The following LRP2 variants were observed in gnomAD, a reference collection of about 807,000 sequenced individuals.
LRP2 encodes low-density lipoprotein receptor-related protein 2.
Under a neutral mutation model 531.0 loss-of-function variants are expected in LRP2, and 172 were observed. The ratio of observed to expected loss-of-function variants is 0.32; its 90% CI spans 0.29 to 0.37. The LOEUF is 0.37. LRP2 is among the 10% of genes least tolerant of loss of function. LRP2 has a pLI of 1.00. For missense variants in LRP2, 5,167 were observed against 5,868.3 expected (o/e 0.88, Z 3.90); for synonymous variants, 1,992 against 2,027.6 (o/e 0.98, Z 0.47).
At chr2:169,276,429 AT>A (rs1300437454) in intron 13 of LRP2, among the ~76,000 whole-genome samples, 5 of 152,176 alleles carry the variant, frequency 3.3e-5, no homozygotes, top group African/African-American at 1.2e-4. Flanking sequence ...ATATAATATA[AT>A]GCTAAAACAT....
At chr2:169,167,746 A>T (rs1396705121) in intron 61 of LRP2, among the ~76,000 whole-genome samples, 2 of 151,996 alleles carry the variant, frequency 1.3e-5, no homozygotes, top group Non-Finnish European at 2.9e-5. Flanking sequence ...ATTACCCTAG[A>T]GTTCCTCCAA....
chr2:169,185,606 T>C lies in LRP2; in HGVS notation c.9742A>G (p.Arg3248Gly). The C allele has an allele frequency of 6.2e-7, 1 of 1,614,162 alleles. No individual in the cohort carries two copies. ...EKRLYWIDTQ[R>G]QVIERMFLNK... ...AGAAACATTCTCTCAATGACTTGCCTCTGTGTATCAATCCAATACAATCTC... is the reference window on the plus strand; with the variant it reads ...AGAAACATTCTCTCAATGACTTGCCCCTGTGTATCAATCCAATACAATCTC... Residue 3248 changes from arginine (R) to glycine (G), a missense_variant, in exon 50 of 79, where the codon AGG becomes GGG. Physicochemically the swap from Arg to Gly is moderately radical, Grantham distance 125 (BLOSUM62 -2). Coordinates refer to ENST00000649046, the MANE Select transcript of LRP2 (RefSeq NM_004525.3).
At chr2:169,211,819 A>G in intron 37 of LRP2, 149 bp downstream of exon 37, 2 of 1,113,424 alleles carry the variant, frequency 1.8e-6, no homozygotes, top group Non-Finnish European at 2.6e-6. Context: ...AAGTTTGAAA[A>G]ACACTTTAGG....
chr2:169,162,384 TG>T, intron 63 of LRP2, 87 bp downstream of exon 63: 1 of 1,452,366 alleles, frequency 6.9e-7, no homozygotes, highest in Non-Finnish European at 9.6e-7. Context: ...GGAGAAAATG[TG>T]GTCAGTGTCT....
At chr2:169,336,589 T>C (rs773374616) in intron 1 of LRP2, among the ~76,000 whole-genome samples, 1 of 151,436 alleles carries the variant, frequency 6.6e-6, no homozygotes, top group Non-Finnish European at 1.5e-5. Context: ...AAATACCCCA[T>C]TGCCATGACC....
At chr2:169,356,600 G>A (rs576970576) in intron 1 of LRP2, among the ~76,000 whole-genome samples, 19 of 152,320 alleles carry the variant, frequency 1.2e-4, no homozygotes, top group African/African-American at 4.6e-4. Context: ...AATGGCAGAG[G>A]TAGGAATCAA....
intron 76 of LRP2, among the ~76,000 whole-genome samples, chr2:169,135,725 G>C (rs1685478203): frequency 6.6e-6 from 1 of 151,934 alleles, no homozygotes; most frequent in South Asian, 2.1e-4. Context: ...ACAGGGTACA[G>C]CCATTTAAGC....
At chr2:169,287,737 T>C (rs1322190045) in intron 9 of LRP2, among the ~76,000 whole-genome samples, 1 of 151,504 alleles carries the variant, frequency 6.6e-6, no homozygotes, top group Non-Finnish European at 1.5e-5. Context: ...AGTATAATTA[T>C]GTTGGAAGCA....
At chr2:169,163,944 C>G (rs888655156) in intron 62 of LRP2, among the ~76,000 whole-genome samples, 1 of 152,164 alleles carries the variant, frequency 6.6e-6, no homozygotes, top group Non-Finnish European at 1.5e-5. Context: ...CAATAAATAC[C>G]CTCCACTCCC....
chr2:169,207,638 T>C (rs1318397033), intron 38 of LRP2, among the ~76,000 whole-genome samples: 1 of 152,162 alleles, frequency 6.6e-6, no homozygotes. Context: ...TCCATCCCAA[T>C]GTGATAAAAG....
chr2:169,348,768 C>G (rs1685763216), intron 1 of LRP2, among the ~76,000 whole-genome samples: 1 of 152,160 alleles, frequency 6.6e-6, no homozygotes, highest in South Asian at 2.1e-4. Context: ...GCAGATTCAA[C>G]TACTCAAATG....
intron 1 of LRP2, among the ~76,000 whole-genome samples, chr2:169,342,091 C>T (rs890369376): frequency 1.3e-5 from 2 of 151,798 alleles, no homozygotes; most frequent in African/African-American, 2.4e-5. Context: ...TCCAAAGGTT[C>T]CCTGAGGGAG....
chr2:169,280,471 C>G lies in LRP2; in HGVS notation c.1220G>C (p.Gly407Ala), dbSNP rs751287888. ...CCGGAAGCTCCTTCCATGAATATCA[C>G]CAATTAACAAATCCCGACCATTGGA... Reference protein sequence around the residue: ...IFSNGRDLLIGDIHGRSFRIL... With the variant: ...IFSNGRDLLIADIHGRSFRIL... The change falls in exon 11 of 79, where the codon GGT becomes GCT. Residue 407 changes from glycine (G) to alanine (A), a missense_variant. Transcript: ENST00000649046. The G allele has an allele frequency of 2.4e-5, 39 of 1,614,038 alleles. No individual in the cohort carries two copies. Among genetic ancestry groups the G allele is most frequent in the Non-Finnish European group, 3.3e-5 (39 of 1,180,030 alleles).
intron 3 of LRP2, among the ~76,000 whole-genome samples, chr2:169,310,347 T>G (rs1684557625): frequency 6.6e-6 from 1 of 152,220 alleles, no homozygotes; most frequent in Admixed American, 6.5e-5. Context: ...TTGTCATAAA[T>G]AGCTCTTATT....
At chr2:169,358,898 CAAAAAA>C (rs777233354) in intron 1 of LRP2, among the ~76,000 whole-genome samples, 6 of 115,924 alleles carry the variant, frequency 5.2e-5, no homozygotes, top group South Asian at 5.8e-4. Flanking sequence ...ACGATTTTCT[CAAAAAA>C]AAAAAAAAAA....
At chr2:169,234,459 C>T (rs1689527586) in intron 29 of LRP2, among the ~76,000 whole-genome samples, 1 of 152,194 alleles carries the variant, frequency 6.6e-6, no homozygotes, top group Non-Finnish European at 1.5e-5. Flanking sequence ...ATCCATATCC[C>T]TGCAAAGGAC....
At chr2:169,199,018 G>A (rs1273098909) in intron 44 of LRP2, 107 bp from the exon 45 acceptor site, 2 of 1,196,900 alleles carry the variant, frequency 1.7e-6, no homozygotes, top group Non-Finnish European at 2.4e-6. Context: ...CACTGGAAGG[G>A]CGGCATTTTC....
rs929861422 is a variant in LRP2 at position 169,239,789 on chromosome 2, A to G, written c.4046-14T>C. 4 of 1,609,996 alleles carry G rather than the reference A, an allele frequency of 2.5e-6. No homozygotes were observed. The South Asian group carries it at 4.4e-5, about 18-fold the overall frequency. The stretch of plus-strand genomic sequence containing the variant: ...AGCTGTTCCCATCTAGAAAAAAGAA[A>G]GAGAATAATGAAAAAAGAAAATCAA... On this transcript the variant is annotated splice_polypyrimidine_tract_variant and intron_variant, in intron 25 of 78. Transcript: ENST00000649046.
intron 4 of LRP2, among the ~76,000 whole-genome samples, chr2:169,302,671 T>G (rs1483309404): frequency 6.6e-6 from 1 of 151,838 alleles, no homozygotes; most frequent in Non-Finnish European, 1.5e-5. Flanking sequence ...GGACAGAGAA[T>G]GTGTTAAAGG....
Sources: allele counts gnomAD v4.1 joint callset (sites outside exome capture counted in the v4.1 genomes callset), GRCh38; gene constraint gnomAD v4.1.1; transcripts MANE v1.5; gene names NCBI Gene and HGNC (gene_info 2026-07-23, HGNC 2026-07-21).